SPOCK1: variants seen among roughly 807,000 people sequenced by gnomAD.
SPOCK1 encodes SPARC (osteonectin), cwcv and kazal like domains proteoglycan 1.
In SPOCK1, 23 loss-of-function variants were observed where a neutral mutation model predicts 55.3. That is an observed-to-expected ratio of 0.42 (90% CI 0.30 to 0.59). SPOCK1 has a LOEUF of 0.59. Among genes scored for constraint, SPOCK1 ranks in the 20% least tolerant of loss-of-function variants. The pLI is 0.22. For synonymous variants in SPOCK1, 226 were observed against 221.0 expected (o/e 1.02, Z -0.20); for missense variants, 499 against 552.5 (o/e 0.90, Z 0.97).
chr5:137,104,500 G>A (rs996652874), intron 5 of SPOCK1, among the ~76,000 whole-genome samples: 3 of 152,136 alleles, frequency 2.0e-5, no homozygotes, highest in African/African-American at 2.4e-5. Context: ...ATGCCTTATC[G>A]CAGGGTCCCC....
intron 2 of SPOCK1, among the ~76,000 whole-genome samples, chr5:137,391,061 C>T (rs1580899986): frequency 6.6e-6 from 1 of 152,052 alleles, no homozygotes; most frequent in Non-Finnish European, 1.5e-5. Flanking sequence ...TCCCCTTGCC[C>T]CCAACCCCCC....
intron 3 of SPOCK1, among the ~76,000 whole-genome samples, chr5:137,263,290 A>G (rs1756784328): frequency 6.6e-6 from 1 of 152,252 alleles, no homozygotes; most frequent in Admixed American, 6.5e-5. Flanking sequence ...AATCTTCAAG[A>G]GATGAGGGTA....
At chr5:137,238,776 T>C (rs776791547) in intron 3 of SPOCK1, among the ~76,000 whole-genome samples, 12 of 152,218 alleles carry the variant, frequency 7.9e-5, no homozygotes, top group Non-Finnish European at 1.2e-4. Context: ...TTTTTCTCTA[T>C]TACAAAGCTA....
chr5:137,041,712 T>C (rs1752001785), intron 6 of SPOCK1, among the ~76,000 whole-genome samples: 1 of 152,188 alleles, frequency 6.6e-6, no homozygotes, highest in Non-Finnish European at 1.5e-5. Context: ...CTTATGAACA[T>C]CATTTTTCAT....
chr5:137,235,628 G>A (rs555315742), intron 3 of SPOCK1, among the ~76,000 whole-genome samples: 11 of 152,356 alleles, frequency 7.2e-5, no homozygotes, highest in Admixed American at 2.0e-4. Flanking sequence ...GTAGATGCAC[G>A]TGTCTGTGTG....
chr5:137,057,706 G>A (rs1752327515), intron 6 of SPOCK1, among the ~76,000 whole-genome samples: 1 of 152,156 alleles, frequency 6.6e-6, no homozygotes, highest in South Asian at 2.1e-4. Flanking sequence ...CTAGGAAAGA[G>A]GCCTACCAAC....
intron 6 of SPOCK1, among the ~76,000 whole-genome samples, chr5:137,024,256 T>C (rs1373072244): frequency 2.1e-5 from 3 of 141,260 alleles, no homozygotes; most frequent in Non-Finnish European, 3.1e-5. Flanking sequence ...AAAATTATGT[T>C]CGGCTGCTGA....
intron 2 of SPOCK1, among the ~76,000 whole-genome samples, chr5:137,476,499 C>T (rs1002447958): frequency 1.3e-5 from 2 of 152,146 alleles, no homozygotes; most frequent in Non-Finnish European, 2.9e-5. Flanking sequence ...GAACTAAGAA[C>T]TTTGAGACCT....
chr5:137,247,643 G>A (rs1480478843), intron 3 of SPOCK1, among the ~76,000 whole-genome samples: 1 of 152,146 alleles, frequency 6.6e-6, no homozygotes, highest in African/African-American at 2.4e-5. Flanking sequence ...GAATACCTGA[G>A]ACTGGGTAAT....
At chr5:137,020,086 A>G (rs1019250539) in intron 6 of SPOCK1, among the ~76,000 whole-genome samples, 27 of 151,884 alleles carry the variant, frequency 1.8e-4, no homozygotes, top group African/African-American at 5.6e-4. Flanking sequence ...GCATAAAAAA[A>G]TAGGAAAAAG....
rs978404765 is a variant in SPOCK1, at chr5:137,493,748, C to T, written c.186+4625G>A. 3.9e-5 allele frequency among the ~76,000 whole-genome samples: 6 copies of T among 152,316 alleles called. No individual in the cohort carries two copies. In the East Asian group the frequency reaches 7.7e-4, roughly 20 times the overall value. ...AATGATTTTCTGCTACTCTCGATTA[C>T]GGGCTGAGTTTCCGTGATGACAGAT... is the stretch of plus-strand genomic sequence containing the variant. On this transcript the variant is annotated intron_variant, in intron 2 of 10. Transcript: ENST00000394945.
At chr5:137,231,704 T>C (rs1756069136) in intron 3 of SPOCK1, among the ~76,000 whole-genome samples, 1 of 152,240 alleles carries the variant, frequency 6.6e-6, no homozygotes, top group Admixed American at 6.5e-5. Flanking sequence ...TAAACACTCA[T>C]GTGCAGGTTC....
intron 2 of SPOCK1, among the ~76,000 whole-genome samples, chr5:137,334,445 A>G (rs899958343): frequency 2.6e-5 from 4 of 152,194 alleles, no homozygotes; most frequent in African/African-American, 9.7e-5. Context: ...GGTCTCTCTA[A>G]TTAGCTAGTG....
intron 2 of SPOCK1, among the ~76,000 whole-genome samples, chr5:137,437,219 CA>C (rs1340360487): frequency 1.4e-5 from 2 of 146,722 alleles, no homozygotes; most frequent in African/African-American, 5.0e-5. Flanking sequence ...ACAACCAAAC[CA>C]AAGTCCTTCT....
At chr5:137,262,121 G>A (rs1229697193) in intron 3 of SPOCK1, among the ~76,000 whole-genome samples, 1 of 152,106 alleles carries the variant, frequency 6.6e-6, no homozygotes, top group Non-Finnish European at 1.5e-5. Context: ...AATTCACTTT[G>A]CTGTATATTC....
chr5:137,473,115 A>C (rs888709822), intron 2 of SPOCK1, among the ~76,000 whole-genome samples: 3 of 152,226 alleles, frequency 2.0e-5, no homozygotes, highest in Non-Finnish European at 4.4e-5. Flanking sequence ...ATTTACCCCC[A>C]AAGATATACG....
At chr5:137,071,912 A>G (rs949987710) in intron 5 of SPOCK1, among the ~76,000 whole-genome samples, 1 of 152,196 alleles carries the variant, frequency 6.6e-6, no homozygotes, top group Non-Finnish European at 1.5e-5. Context: ...ACTCTATGTA[A>G]AGACTATAAA....
chr5:137,472,163 C>T (rs1448650872), intron 2 of SPOCK1, among the ~76,000 whole-genome samples: 1 of 152,180 alleles, frequency 6.6e-6, no homozygotes, highest in Non-Finnish European at 1.5e-5. Flanking sequence ...CCAGCAGACC[C>T]TGTACACACT....
Position 137,384,217 on chromosome 5 carries a change from C to T in SPOCK1, c.186+114156G>A, listed in dbSNP as rs144339590. Among the ~76,000 whole-genome samples the T allele has an allele frequency of 3.8e-3, 579 of 152,298 alleles. 6 individuals are homozygous for T. Among genetic ancestry groups the T allele is most frequent in the African/African-American group, 0.013 (548 of 41,562 alleles). On this transcript the variant is annotated intron_variant, in intron 2 of 10. Coordinates refer to ENST00000394945, the MANE Select transcript of SPOCK1 (RefSeq NM_004598.4). ...GCAGATGGGTGCTTGCCCTTTGTGG[C>T]GGGAACAAGGCCTCTGAGGAATAAG... is the stretch of plus-strand genomic sequence containing the variant.
Sources: allele counts gnomAD v4.1 joint callset (sites outside exome capture counted in the v4.1 genomes callset), GRCh38; gene constraint gnomAD v4.1.1; transcripts MANE v1.5; gene names NCBI Gene and HGNC (gene_info 2026-07-23, HGNC 2026-07-21).